ARHGAP10: variants seen among roughly 807,000 people sequenced by gnomAD.
The protein encoded by ARHGAP10 is rho GTPase-activating protein 10.
Under a neutral mutation model 108.6 loss-of-function variants are expected in ARHGAP10, and 87 were observed. The observed-to-expected ratio is 0.80, with a 90% CI of 0.67 to 0.96. The LOEUF is 0.96. ARHGAP10 is among the 40% of genes least tolerant of loss of function. The pLI, the probability that ARHGAP10 is intolerant of heterozygous loss-of-function variation, is 0.00. For missense variants in ARHGAP10, 939 were observed against 954.5 expected, an observed-to-expected ratio of 0.98 and a Z score of 0.21; for synonymous variants, 347 against 341.1, an observed-to-expected ratio of 1.02 and a Z score of -0.19.
At chr4:147,827,132 A>T (rs903973284) in intron 3 of ARHGAP10, among the ~76,000 whole-genome samples, 1 of 151,958 alleles carries the variant, frequency 6.6e-6, no homozygotes, top group Non-Finnish European at 1.5e-5. Context: ...TTCTTAACCC[A>T]TATTGACATT....
intron 3 of ARHGAP10, among the ~76,000 whole-genome samples, chr4:147,829,524 C>T (rs1184836906): frequency 6.6e-6 from 1 of 152,104 alleles, no homozygotes; most frequent in African/African-American, 2.4e-5. Flanking sequence ...TTTTGCTGAT[C>T]ATGTTGCCAC....
chr4:147,857,808 T>C, intron 5 of ARHGAP10, 154 bp downstream of exon 5: 1 of 606,990 alleles, frequency 1.6e-6, no homozygotes, highest in Non-Finnish European at 2.4e-6. Flanking sequence ...AAAAAAGTCC[T>C]TGTGAAACAA....
At position 147,732,298 on chromosome 4, in the gene ARHGAP10, C is replaced by T. The variant is rs778506235; in HGVS notation, c.-4C>T. The T allele has an allele frequency of 5.6e-6, 9 of 1,607,062 alleles. No individual in the cohort carries two copies. The highest frequency in any genetic ancestry group is 5.5e-5 in the South Asian group (5 of 90,418). On this transcript the variant is annotated 5_prime_UTR_variant, in exon 1 of 23. Transcript: ENST00000336498. ...GTGCGCACCGCGCAGCGACCGCTGCCGTCATGGGGCTGCAGCCCCTGGAGT... is the reference window on the plus strand; with the variant it reads ...GTGCGCACCGCGCAGCGACCGCTGCTGTCATGGGGCTGCAGCCCCTGGAGT...
Position 147,881,883 on chromosome 4 carries a change from ACTGACTC to A in ARHGAP10, c.987_993del (p.Asp330LeufsTer9). The A allele has an allele frequency of 6.2e-7, 1 of 1,614,132 alleles. No homozygotes were observed. The highest frequency in any genetic ancestry group is 8.5e-7 in the Non-Finnish European group (1 of 1,179,998). ...TTTGAAAGAATGTACCAAGAGGCAT[ACTGACTC>A]CATTGACAGAAGGTTTTGTTTTGAC... On this transcript the variant is annotated frameshift_variant, in exon 10 of 23. Coordinates refer to ENST00000336498, the MANE Select transcript of ARHGAP10 (RefSeq NM_024605.4). LOFTEE classifies it high-confidence loss of function.
In ARHGAP10 at chr4:147,847,166, G is replaced by T. The variant is rs761673846; in HGVS notation, c.328G>T (p.Glu110Ter). 2 of 1,613,328 alleles carry T rather than the reference G, an allele frequency of 1.2e-6. No individual in the cohort carries two copies. The highest frequency in any genetic ancestry group is 1.7e-6 in the Non-Finnish European group (2 of 1,179,410). Residue 110 changes from glutamate to a stop codon, truncating the protein, a stop_gained, in exon 4 of 23, where the codon GAA (glutamate) becomes TAA (stop). Coordinates refer to ENST00000336498, the MANE Select transcript of ARHGAP10 (RefSeq NM_024605.4). LOFTEE classifies it high-confidence loss of function. ...TGTTCTCTAGGCATTAAGTGTAACT[G>T]AAACCCTGATTAAACCCTTGGAAAA... ...QREIMALSVT[E>*]TLIKPLEKFR... is the part of the protein sequence containing the mutation.
At chr4:147,967,293 G>A (rs918070473) in intron 18 of ARHGAP10, among the ~76,000 whole-genome samples, 3 of 152,342 alleles carry the variant, frequency 2.0e-5, no homozygotes, top group South Asian at 4.1e-4. Flanking sequence ...TTGAGAGTAG[G>A]GGTTGAGGGG....
chr4:147,824,305 G>A (rs908370900), intron 3 of ARHGAP10, among the ~76,000 whole-genome samples: 16 of 150,422 alleles, frequency 1.1e-4, no homozygotes, highest in Admixed American at 8.5e-4. Context: ...CTTGGCAACA[G>A]AGTGGGACTC....
intron 1 of ARHGAP10, among the ~76,000 whole-genome samples, chr4:147,784,534 AT>A (rs1730728820): frequency 6.1e-4 from 3 of 4,946 alleles, no homozygotes; most frequent in Admixed American, 6.7e-3. Context: ...AATATAAAAC[AT>A]ATATTTTATA....
chr4:147,936,312 CCT>C (rs1737931321), intron 13 of ARHGAP10, among the ~76,000 whole-genome samples: 1 of 136,134 alleles, frequency 7.3e-6, no homozygotes, highest in African/African-American at 2.6e-5. Context: ...GCCTCCTTTT[CCT>C]CTCTTTTTTT....
chr4:148,046,305 T>C (rs182569357), intron 19 of ARHGAP10, among the ~76,000 whole-genome samples: 61 of 152,324 alleles, frequency 4.0e-4, no homozygotes, highest in Admixed American at 2.6e-4. Context: ...ATTCATCGTG[T>C]GGCATTACCA....
chr4:147,747,187 A>T, intron 1 of ARHGAP10, among the ~76,000 whole-genome samples: 1 of 150,704 alleles, frequency 6.6e-6, no homozygotes. Context: ...ATTAAAACCG[A>T]TTTTCTCTTT....
At chr4:147,839,567 T>C (rs565946104) in intron 3 of ARHGAP10, among the ~76,000 whole-genome samples, 1 of 152,372 alleles carries the variant, frequency 6.6e-6, no homozygotes, top group South Asian at 2.1e-4. Context: ...AAAGATACTA[T>C]AGGATGTAGG....
At chr4:147,965,200 T>A in intron 17 of ARHGAP10, 71 bp downstream of exon 17, 1 of 1,216,588 alleles carries the variant, frequency 8.2e-7, no homozygotes, top group South Asian at 1.6e-5. Context: ...CTGGGATTTG[T>A]GACGGGTGGA....
intron 1 of ARHGAP10, among the ~76,000 whole-genome samples, chr4:147,766,344 C>T (rs1483610098): frequency 6.6e-6 from 1 of 151,696 alleles, no homozygotes; most frequent in East Asian, 1.9e-4. Flanking sequence ...CTCCCATATG[C>T]TTTAAATCAT....
At chr4:148,050,161 C>G (rs1560892829) in intron 20 of ARHGAP10, among the ~76,000 whole-genome samples, 1 of 152,108 alleles carries the variant, frequency 6.6e-6, no homozygotes, top group South Asian at 2.1e-4. Context: ...GCTACCGTGC[C>G]CTGCCATAAC....
chr4:147,873,719 C>CACACACACACACACACACACAT (rs1420323318), intron 7 of ARHGAP10, among the ~76,000 whole-genome samples: 3 of 150,858 alleles, frequency 2.0e-5, no homozygotes, highest in Non-Finnish European at 4.4e-5. Context: ...CACACACACA[C>CACACACACACACACACACACAT]ACACTCTTGG....
intron 3 of ARHGAP10, among the ~76,000 whole-genome samples, chr4:147,833,891 A>C (rs1733055093): frequency 6.6e-6 from 1 of 152,188 alleles, no homozygotes; most frequent in South Asian, 2.1e-4. Context: ...AAGCTGTGGC[A>C]GCCATGGGCA....
At chr4:147,838,074 A>T (rs565727264) in intron 3 of ARHGAP10, among the ~76,000 whole-genome samples, 1 of 152,234 alleles carries the variant, frequency 6.6e-6, no homozygotes, top group South Asian at 2.1e-4. Flanking sequence ...TATTTTAGAA[A>T]CATTTTCTGC....
chr4:147,976,202 C>T (rs775916160), intron 18 of ARHGAP10, among the ~76,000 whole-genome samples: 83 of 152,330 alleles, frequency 5.4e-4, no homozygotes, highest in African/African-American at 7.9e-4. Flanking sequence ...AGTCTTACAG[C>T]ATGCTTGCCA....
Sources: gnomAD v4.1 joint callset for allele counts (sites outside exome capture counted in the v4.1 genomes callset) on GRCh38, gnomAD v4.1.1 for gene constraint, MANE v1.5 for transcripts, NCBI Gene and HGNC (gene_info 2026-07-23, HGNC 2026-07-21) for gene names.